RGS5: variants seen among roughly 807,000 people sequenced by gnomAD.
RGS5 encodes regulator of G protein signaling 5.
In RGS5, 20 loss-of-function variants were observed where a neutral mutation model predicts 18.9. The observed-to-expected ratio is 1.06, with a 90% confidence interval of 0.74 to 1.54. RGS5 has a LOEUF of 1.54. Ranked by LOEUF, RGS5 falls within the 40% of genes most tolerant of loss-of-function variation. The pLI is 0.00. For synonymous variants in RGS5, 57 were observed against 76.2 expected, an observed-to-expected ratio of 0.75 and a Z score of 1.31; for missense variants, 201 against 211.8, an observed-to-expected ratio of 0.95 and a Z score of 0.32.
intron 2 of RGS5, among the ~76,000 whole-genome samples, chr1:163,242,742 G>A (rs866776532): frequency 1.3e-5 from 2 of 152,100 alleles, no homozygotes; most frequent in Admixed American, 6.6e-5. Context: ...ATATAGGATC[G>A]GAAAGTTCAG....
At chr1:163,204,167 C>G (rs1659877643), upstream of RGS5, among the ~76,000 whole-genome samples, 1 of 152,048 alleles carries the variant, frequency 6.6e-6, no homozygotes. Context: ...GACAAATATC[C>G]AAGTGCATCG....
chr1:163,188,035 T>A (rs1318925678), intron 1 of RGS5, among the ~76,000 whole-genome samples: 1 of 152,062 alleles, frequency 6.6e-6, no homozygotes, highest in Non-Finnish European at 1.5e-5. Flanking sequence ...AGAAGTCTTC[T>A]TGATGATTGT....
chr1:163,212,979 A>C (rs1660139625), intron 1 of RGS5: 1 of 152,016 alleles, frequency 6.6e-6, no homozygotes, highest in African/African-American at 2.4e-5. Flanking sequence ...TTTCACTTCT[A>C]CCACTTCCTA....
At chr1:163,294,746 T>G (rs868053314) in intron 2 of RGS5, among the ~76,000 whole-genome samples, 14 of 152,214 alleles carry the variant, frequency 9.2e-5, no homozygotes, top group African/African-American at 3.1e-4. Context: ...CTCTCTTTCC[T>G]TTTTAAACAT....
At chr1:163,294,077 G>A (rs1309670604) in intron 2 of RGS5, among the ~76,000 whole-genome samples, 2 of 152,218 alleles carry the variant, frequency 1.3e-5, no homozygotes, top group Non-Finnish European at 2.9e-5. Flanking sequence ...GGTGTACAGG[G>A]CAAGATGTCA....
chr1:163,224,617 A>C (rs1440927674), intron 2 of RGS5, among the ~76,000 whole-genome samples: 1 of 152,224 alleles, frequency 6.6e-6, no homozygotes, highest in Non-Finnish European at 1.5e-5. Context: ...AGGAACCTCC[A>C]TACTGTTGTT....
chr1:163,148,039 T>G (rs1240260323), intron 4 of RGS5, among the ~76,000 whole-genome samples: 2 of 151,106 alleles, frequency 1.3e-5, no homozygotes, highest in Admixed American at 1.3e-4. Flanking sequence ...GTGATTCTTC[T>G]GCCCGAGCCT....
upstream of RGS5, among the ~76,000 whole-genome samples, chr1:163,207,898 C>T (rs73026882): frequency 0.041 from 6,110 of 150,548 alleles, 354 homozygotes; most frequent in African/African-American, 0.13. Flanking sequence ...TTCCTACATA[C>T]CAAAAAAAAA....
intron 2 of RGS5, among the ~76,000 whole-genome samples, chr1:163,257,730 T>C (rs1648317418): frequency 6.6e-6 from 1 of 152,220 alleles, no homozygotes; most frequent in Non-Finnish European, 1.5e-5. Flanking sequence ...TGGAATATTG[T>C]AACACAGCTG....
intron 2 of RGS5, among the ~76,000 whole-genome samples, chr1:163,229,573 C>T (rs1004546632): frequency 2.0e-5 from 3 of 152,212 alleles, no homozygotes; most frequent in African/African-American, 7.2e-5. Context: ...CTCTCTGACT[C>T]TGTCTTCTAC....
chr1:163,288,311 T>C (rs1206384141), intron 2 of RGS5, among the ~76,000 whole-genome samples: 1 of 152,076 alleles, frequency 6.6e-6, no homozygotes, highest in Non-Finnish European at 1.5e-5. Flanking sequence ...AGGGAAGAGT[T>C]TAAGACAAAG....
intron 1 of RGS5, among the ~76,000 whole-genome samples, chr1:163,213,643 T>C (rs528209121): frequency 8.5e-4 from 129 of 152,326 alleles, no homozygotes; most frequent in Non-Finnish European, 1.5e-3. Context: ...CAAAACTCTT[T>C]GTTTATTTAA....
At chr1:163,277,647 C>A (rs1648890440) in intron 2 of RGS5, among the ~76,000 whole-genome samples, 1 of 152,114 alleles carries the variant, frequency 6.6e-6, no homozygotes, top group Non-Finnish European at 1.5e-5. Flanking sequence ...TAAAGTCCAA[C>A]CTAGTAAGTC....
chr1:163,320,614 A>G (rs965457576), intron 1 of RGS5, among the ~76,000 whole-genome samples: 4 of 152,194 alleles, frequency 2.6e-5, no homozygotes, highest in African/African-American at 4.8e-5. Flanking sequence ...GCAAGTGTCA[A>G]TGAGACAGGT....
At chr1:163,248,557 GAGA>G (rs1301237721) in intron 2 of RGS5, 5 of 152,058 alleles carry the variant, frequency 3.3e-5, no homozygotes, top group Admixed American at 2.6e-4. Flanking sequence ...GCACTGATCA[GAGA>G]AGAAGAGTTT....
intron 2 of RGS5, among the ~76,000 whole-genome samples, chr1:163,296,427 A>C (rs1261524912): frequency 2.0e-5 from 3 of 152,260 alleles, no homozygotes; most frequent in Non-Finnish European, 2.9e-5. Context: ...GGAATCACTA[A>C]AAATAAAGAC....
rs368811795 is a variant in RGS5, at chr1:163,253,428, C to G, written c.-281+52805G>C. Among the ~76,000 whole-genome samples, 24 of 151,712 alleles carry G rather than the reference C, an allele frequency of 1.6e-4. No individual in the cohort carries two copies. In the East Asian group the frequency reaches 2.7e-3, roughly 17 times the overall value. On this transcript the variant is annotated intron_variant, in intron 2 of 5. Coordinates refer to the RGS5 transcript ENST00000618415. The stretch of plus-strand genomic sequence containing the variant: ...GCTTCAACCAATTTTCCTGCCTCAG[C>G]CTCCCATGTAGTTGGGATTACAGGT...
intron 2 of RGS5, among the ~76,000 whole-genome samples, chr1:163,271,808 G>A (rs1168890765): frequency 1.3e-5 from 2 of 152,086 alleles, no homozygotes; most frequent in Non-Finnish European, 2.9e-5. Flanking sequence ...TTAGATTCCT[G>A]GGAGTAGAAT....
intron 2 of RGS5, among the ~76,000 whole-genome samples, chr1:163,296,247 A>G (rs1425455361): frequency 2.0e-5 from 3 of 152,198 alleles, no homozygotes; most frequent in Non-Finnish European, 1.5e-5. Context: ...TTATGTTCCA[A>G]TAGAAAACTA....
Sources: allele counts gnomAD v4.1 joint callset (sites outside exome capture counted in the v4.1 genomes callset), GRCh38; gene constraint gnomAD v4.1.1; transcripts MANE v1.5; gene names NCBI Gene and HGNC (gene_info 2026-07-23, HGNC 2026-07-21).